The following SATB1 variants were observed in gnomAD, a reference collection of about 807,000 sequenced individuals.
The protein encoded by SATB1 is SATB homeobox 1, also known as DNA-binding protein SATB1.
Under a neutral mutation model 86.9 loss-of-function variants are expected in SATB1, and 11 were observed. That is an observed-to-expected ratio of 0.13 (90% confidence interval 0.08 to 0.21). The LOEUF (loss-of-function observed/expected upper bound fraction) is 0.21, where lower values mean the gene tolerates loss of function less well. Among genes scored for constraint, SATB1 ranks in the 10% least tolerant of loss-of-function variants. The pLI, the probability that SATB1 is intolerant of heterozygous loss-of-function variation, is 1.00. For synonymous variants in SATB1, 357 were observed against 357.2 expected (o/e 1.00, Z 0.01); for missense variants, 551 against 937.6 (o/e 0.59, Z 5.39).
At chr3:18,414,989 CTT>C in intron 5 of SATB1, 120 bp downstream of exon 5, 2 of 1,092,552 alleles carry the variant, frequency 1.8e-6, no homozygotes, top group South Asian at 1.5e-5. Flanking sequence ...GGTCAAGTCA[CTT>C]TGCATTTTTG....
chr3:18,398,030 G>A (rs191528214), intron 5 of SATB1, among the ~76,000 whole-genome samples: 3 of 152,124 alleles, frequency 2.0e-5, no homozygotes, highest in East Asian at 1.9e-4. Flanking sequence ...ATTTCAAACC[G>A]ATCATAAAAA....
chr3:18,436,525 ATC>A (rs1320031204), intron 2 of SATB1, among the ~76,000 whole-genome samples: 2 of 139,976 alleles, frequency 1.4e-5, no homozygotes, highest in Non-Finnish European at 3.2e-5. Context: ...AAAAAAAAAA[ATC>A]ATCCAATTAT....
At chr3:18,415,810 TGG>T (rs542837624) in intron 4 of SATB1, among the ~76,000 whole-genome samples, 195 bp downstream of exon 4, 7 of 151,860 alleles carry the variant, frequency 4.6e-5, no homozygotes, top group South Asian at 2.1e-4. Flanking sequence ...TTTGTGTGTG[TGG>T]GGGGGGGGAT....
At position 18,364,673 on chromosome 3, in the gene SATB1, CGTGT is replaced by C. The variant is rs200519440; in HGVS notation, c.1576-12482_1576-12479del. ...GACCCTTCCTCTTACCCCACATAAA[CGTGT>C]GTGTGTATACATACATAGCTATCAA... On this transcript the variant is annotated intron_variant, in intron 9 of 10. Transcript: ENST00000338745. 3.1e-3 allele frequency among the ~76,000 whole-genome samples: 469 copies of C among 151,674 alleles called. 19 individuals are homozygous for C. In the South Asian group the frequency reaches 0.05, roughly 16 times the overall value.
At chr3:18,416,197 G>A in intron 3 of SATB1, 64 bp from the exon 4 acceptor site, 3 of 1,367,114 alleles carry the variant, frequency 2.2e-6, no homozygotes, top group Non-Finnish European at 3.0e-6. Flanking sequence ...TCTACTAGAA[G>A]GGTGTTCTTT....
chr3:18,427,386 G>A (rs1364499248), upstream of SATB1, among the ~76,000 whole-genome samples: 1 of 152,076 alleles, frequency 6.6e-6, no homozygotes, highest in African/African-American at 2.4e-5. Context: ...AAAAATTATA[G>A]TGGTCCACAC....
chr3:18,425,026 C>G lies in SATB1; in HGVS notation c.-1424G>C, dbSNP rs1209224208. On this transcript the variant is annotated 5_prime_UTR_variant, in exon 1 of 11. Coordinates refer to ENST00000338745, the MANE Select transcript of SATB1 (RefSeq NM_002971.6). ...CGCTAGCTCTACCCCTCGCTGCCGT[C>G]TCTGCCCCCATTAAATTATTAGTTG... is the stretch of plus-strand genomic sequence containing the variant. 1 of 157,196 alleles carries G rather than the reference C, an allele frequency of 6.4e-6. No individual in the cohort carries two copies. Among genetic ancestry groups the G allele is most frequent in the Non-Finnish European group, 1.4e-5 (1 of 71,520 alleles). The allele number at this position is 157,196 out of a possible 1,614,324, so 9.7% of individuals were successfully genotyped here.
chr3:18,381,499 G>A (rs1303941921), intron 8 of SATB1, among the ~76,000 whole-genome samples: 1 of 152,122 alleles, frequency 6.6e-6, no homozygotes, highest in African/African-American at 2.4e-5. Flanking sequence ...TTAAAATTGA[G>A]AAAACTCCGT....
At chr3:18,389,858 A>G (rs529139541) in intron 7 of SATB1, among the ~76,000 whole-genome samples, 2 of 152,242 alleles carry the variant, frequency 1.3e-5, no homozygotes, top group South Asian at 4.1e-4. Context: ...ATTTTATTGA[A>G]AATCAGAAGC....
intron 5 of SATB1, among the ~76,000 whole-genome samples, chr3:18,398,182 T>C (rs995345785): frequency 6.6e-6 from 1 of 152,164 alleles, no homozygotes; most frequent in African/African-American, 2.4e-5. Flanking sequence ...AAGAAAAACA[T>C]GATTTTAATG....
Position 18,349,522 on chromosome 3 carries a change from G to T in SATB1, c.1940C>A (p.Pro647Gln). ...GGCTTCCACTGAAATTTTTGTTCGTGGCCGGGTCTTCTGTCGGTTTTCCTC... is the reference window on the plus strand; with the variant it reads ...GGCTTCCACTGAAATTTTTGTTCGTTGCCGGGTCTTCTGTCGGTTTTCCTC... ...SDEENRQKTR[P>Q]RTKISVEALG... The change falls in exon 11 of 11, where the codon CCA becomes CAA. Residue 647 changes from proline to glutamine, a missense_variant. Pro to Gln is a moderately conservative substitution (Grantham distance 76). This residue lies in a region of SATB1 where 87 missense variants were observed against 103.6 expected (regional missense o/e 0.84). Transcript: ENST00000338745. This position sits in a 1 kb window ranked among gnomAD's most constrained non-coding sequence, Gnocchi z 5.5. 6.2e-7 allele frequency: 1 copy of T among 1,614,140 alleles called. No homozygotes were observed. Among genetic ancestry groups the T allele is most frequent in the Non-Finnish European group, 8.5e-7 (1 of 1,180,020 alleles).
Position 18,359,977 on chromosome 3 carries a change from C to G in SATB1, c.1576-7782G>C, listed in dbSNP as rs904681049. Among the ~76,000 whole-genome samples, 5 of 151,958 alleles carry G rather than the reference C, an allele frequency of 3.3e-5. 1 individual carries two copies. The South Asian group carries it at 1.0e-3, about 32-fold the overall frequency. On this transcript the variant is annotated intron_variant, in intron 9 of 10. Coordinates refer to ENST00000338745, the MANE Select transcript of SATB1 (RefSeq NM_002971.6). ...AATTACTATGTTAGACAACAACATT[C>G]TTTTTTAATTACTTCCAGTGGGCAA...
At chr3:18,429,632 G>A (rs1698823931), upstream of SATB1, among the ~76,000 whole-genome samples, 1 of 152,184 alleles carries the variant, frequency 6.6e-6, no homozygotes, top group Non-Finnish European at 1.5e-5. This position sits in a 1 kb window ranked among gnomAD's most constrained non-coding sequence, Gnocchi z 4.1. Context: ...TTGGGGAAAG[G>A]AAGCTGCCTC....
At chr3:18,436,711 G>A (rs1699078407) in intron 2 of SATB1, 1 of 152,142 alleles carries the variant, frequency 6.6e-6, no homozygotes, top group East Asian at 1.9e-4. Context: ...GGCACAGAAT[G>A]CTAACTATGA....
intron 8 of SATB1, among the ~76,000 whole-genome samples, chr3:18,381,408 T>A (rs928908453): frequency 6.6e-6 from 1 of 152,232 alleles, no homozygotes. Context: ...AGTTGTTTAT[T>A]ATGTGCTGGA....
intron 5 of SATB1, among the ~76,000 whole-genome samples, chr3:18,401,651 C>G (rs1359631288): frequency 6.6e-6 from 1 of 152,096 alleles, no homozygotes; most frequent in Non-Finnish European, 1.5e-5. Flanking sequence ...CACGGTACAC[C>G]AACCAATAAA....
At chr3:18,440,109 A>G (rs1411395711), upstream of SATB1, among the ~76,000 whole-genome samples, 1 of 152,236 alleles carries the variant, frequency 6.6e-6, no homozygotes, top group East Asian at 1.9e-4. Context: ...TTATCTGAGG[A>G]ATCAAATAGT....
At chr3:18,365,024 C>G (rs566457875) in intron 9 of SATB1, among the ~76,000 whole-genome samples, 1 of 152,050 alleles carries the variant, frequency 6.6e-6, no homozygotes, top group Admixed American at 6.6e-5. Context: ...GGTCCCTGCC[C>G]CCATTCAATC....
At chr3:18,376,578 G>GT (rs1422761047) in intron 9 of SATB1, among the ~76,000 whole-genome samples, 1 of 148,058 alleles carries the variant, frequency 6.8e-6, no homozygotes, top group African/African-American at 2.5e-5. Context: ...GGGCAAGTAG[G>GT]TGGGGGGGGG....
Sources: gnomAD v4.1 joint callset for allele counts (sites outside exome capture counted in the v4.1 genomes callset) on GRCh38, gnomAD v4.1.1 for gene constraint, gnomAD v4.1.1 regional missense constraint, Gnocchi (gnomAD v3.1) non-coding constraint, MANE v1.5 for transcripts, NCBI Gene and HGNC (gene_info 2026-07-23, HGNC 2026-07-21) for gene names.